C8orf34: variants seen among roughly 807,000 people sequenced by gnomAD.
The protein encoded by C8orf34 is uncharacterized protein C8orf34.
C8orf34 carries 65 observed loss-of-function variants against 68.3 expected under a neutral mutation model. The ratio of observed to expected loss-of-function variants is 0.95; its 90% confidence interval spans 0.78 to 1.17. The LOEUF (loss-of-function observed/expected upper bound fraction) is 1.17. Among genes scored for constraint, C8orf34 ranks in the 50% most tolerant of loss-of-function variants. The pLI, the probability that C8orf34 is intolerant of heterozygous loss-of-function variation, is 0.00. For missense variants in C8orf34, 664 were observed against 655.4 expected, an observed-to-expected ratio of 1.01 and a Z score of -0.14; for synonymous variants, 244 against 241.2, an observed-to-expected ratio of 1.01 and a Z score of -0.11.
intron 12 of C8orf34, among the ~76,000 whole-genome samples, chr8:68,806,596 T>C (rs1824494019): frequency 6.6e-6 from 1 of 152,196 alleles, no homozygotes; most frequent in East Asian, 1.9e-4. Flanking sequence ...TTTCCATTTG[T>C]CTTTTATTTT....
chr8:68,467,471 C>T (rs1586201521), intron 3 of C8orf34, among the ~76,000 whole-genome samples: 1 of 151,870 alleles, frequency 6.6e-6, no homozygotes, highest in Non-Finnish European at 1.5e-5. Flanking sequence ...AGAGACTTCT[C>T]TTCTGTAGCC....
upstream of C8orf34, chr8:68,330,743 C>T (rs916802376): frequency 3.2e-5 from 12 of 376,748 alleles, no homozygotes; most frequent in Non-Finnish European, 4.7e-5. Context: ...GCAGCCCGGG[C>T]TGTTTGTTCC....
chr8:68,568,953 G>T (rs1816684261), intron 7 of C8orf34, among the ~76,000 whole-genome samples: 1 of 152,154 alleles, frequency 6.6e-6, no homozygotes, highest in Non-Finnish European at 1.5e-5. Flanking sequence ...AAGTAAGCAT[G>T]GCTTTGTTCC....
In C8orf34 at chr8:68,331,254, G is replaced by A. The variant is rs956961332; in HGVS notation, c.242G>A (p.Arg81Gln). Residue 81 changes from arginine to glutamine, a missense_variant, in exon 1 of 14, where the codon CGG (arginine) becomes CAG (glutamine). Arg to Gln is a conservative substitution (Grantham distance 43). Transcript: ENST00000518698. ...QPRVLPALSS[R>Q]SHLFPMASHP... is the part of the protein sequence containing the mutation. ...CGCGTTCTCCCTGCACTCTCTTCGC[G>A]GTCCCATCTGTTCCCCATGGCGTCT... is the stretch of plus-strand genomic sequence containing the variant. 6.5e-7 allele frequency: 1 copy of A among 1,536,194 alleles called. No individual in the cohort carries two copies. Among genetic ancestry groups the A allele is most frequent in the African/African-American group, 1.4e-5 (1 of 73,032 alleles).
chr8:68,452,666 C>A (rs966921965), intron 3 of C8orf34, among the ~76,000 whole-genome samples: 2 of 149,130 alleles, frequency 1.3e-5, no homozygotes, highest in African/African-American at 4.9e-5. Context: ...GCTACTAGAT[C>A]CTTATCAGAG....
At chr8:68,626,082 G>A (rs188984916) in intron 7 of C8orf34, among the ~76,000 whole-genome samples, 65 of 152,256 alleles carry the variant, frequency 4.3e-4, no homozygotes, top group African/African-American at 1.4e-3. Flanking sequence ...TTGCAAGAGA[G>A]CAATGTTTAA....
intron 6 of C8orf34, chr8:68,525,956 C>CTTTCTTT (rs1814962801): frequency 5.8e-6 from 1 of 171,398 alleles, no homozygotes; most frequent in Non-Finnish European, 1.1e-5. Context: ...TTCTTTCTTT[C>CTTTCTTT]TTTTTTTTTT....
chr8:68,463,220 A>G (rs1391649760), intron 3 of C8orf34, among the ~76,000 whole-genome samples: 1 of 152,156 alleles, frequency 6.6e-6, no homozygotes, highest in Non-Finnish European at 1.5e-5. Context: ...TGACACATAC[A>G]CCCTCCCAAG....
intron 7 of C8orf34, among the ~76,000 whole-genome samples, chr8:68,581,630 G>A (rs1242303025): frequency 5.3e-5 from 8 of 152,084 alleles, no homozygotes; most frequent in Admixed American, 5.2e-4. Context: ...TACTGCTGTG[G>A]TGCAGACTTC....
chr8:68,798,141 GTTTA>G (rs113226715), intron 12 of C8orf34, among the ~76,000 whole-genome samples: 3 of 151,090 alleles, frequency 2.0e-5, no homozygotes, highest in Non-Finnish European at 2.9e-5. Flanking sequence ...TTATTTATTT[GTTTA>G]TTTATTTATA....
At chr8:68,709,395 T>C (rs1446994285) in intron 9 of C8orf34, among the ~76,000 whole-genome samples, 1 of 152,194 alleles carries the variant, frequency 6.6e-6, no homozygotes, top group Non-Finnish European at 1.5e-5. Flanking sequence ...GAAACCCACA[T>C]TGTCAGCTGG....
intron 1 of C8orf34, among the ~76,000 whole-genome samples, chr8:68,389,174 T>C (rs1808378938): frequency 6.6e-6 from 1 of 152,124 alleles, no homozygotes; most frequent in South Asian, 2.1e-4. Context: ...GTGAGCAAAA[T>C]ATTGTCCTCA....
chr8:68,756,795 T>A (rs1822875733), intron 10 of C8orf34, among the ~76,000 whole-genome samples: 1 of 152,222 alleles, frequency 6.6e-6, no homozygotes, highest in Non-Finnish European at 1.5e-5. Flanking sequence ...TTCTGATCAA[T>A]ATTTTCAATA....
At chr8:68,479,049 T>C (rs1057104289) in intron 4 of C8orf34, among the ~76,000 whole-genome samples, 2 of 152,172 alleles carry the variant, frequency 1.3e-5, no homozygotes, top group Non-Finnish European at 2.9e-5. Context: ...CTTCATTTGA[T>C]AAAATGAAAT....
At chr8:68,783,708 G>A (rs143736862) in intron 11 of C8orf34, among the ~76,000 whole-genome samples, 14,841 of 151,870 alleles carry the variant, frequency 0.098, 900 homozygotes, top group African/African-American at 0.17. Context: ...TACATATATT[G>A]ATTGATGTCT....
intron 3 of C8orf34, among the ~76,000 whole-genome samples, chr8:68,461,858 C>A (rs1002238671): frequency 3.3e-5 from 5 of 152,160 alleles, no homozygotes; most frequent in Admixed American, 3.3e-4. Context: ...TAAAGACCAT[C>A]AAGGCTAGGA....
intron 1 of C8orf34, chr8:68,331,609 T>A (rs1488966483): frequency 8.1e-6 from 4 of 496,006 alleles, no homozygotes; most frequent in African/African-American, 1.9e-5. Context: ...GTTTTGGCCC[T>A]CTGACTGTCC....
intron 5 of C8orf34, among the ~76,000 whole-genome samples, chr8:68,515,569 A>C (rs1814475903): frequency 6.6e-6 from 1 of 152,118 alleles, no homozygotes; most frequent in African/African-American, 2.4e-5. Flanking sequence ...TATGCAAACA[A>C]AGTTGAAACT....
chr8:68,367,958 C>G (rs1435999057), intron 1 of C8orf34, among the ~76,000 whole-genome samples: 1 of 130,838 alleles, frequency 7.6e-6, no homozygotes, highest in African/African-American at 2.7e-5. Flanking sequence ...CATCACTGAG[C>G]TGAAGAAAGA....
Sources: allele counts gnomAD v4.1 joint callset (sites outside exome capture counted in the v4.1 genomes callset), GRCh38; gene constraint gnomAD v4.1.1; transcripts MANE v1.5; gene names NCBI Gene and HGNC (gene_info 2026-07-23, HGNC 2026-07-21).